Variants in NRXN1 observed in about 807,000 individuals in gnomAD.
NRXN1 encodes the protein neurexin-1.
NRXN1 carries 39 observed loss-of-function variants against 150.9 expected under a neutral mutation model. The ratio of observed to expected loss-of-function variants is 0.26; its 90% CI spans 0.20 to 0.34. The LOEUF is 0.34. Among genes scored for constraint, NRXN1 ranks in the 10% least tolerant of loss-of-function variants. The probability of loss-of-function intolerance (pLI) is 1.00; values close to 1 mark genes in which losing one functional copy is unlikely to be tolerated. For synonymous variants in NRXN1, 924 were observed against 757.0 expected, an observed-to-expected ratio of 1.22 and a Z score of -3.62; for missense variants, 1,815 against 1,949.9, an observed-to-expected ratio of 0.93 and a Z score of 1.30.
chr2:50,627,919 AAGAAAAAAAG>A (rs1681462238), intron 5 of NRXN1, among the ~76,000 whole-genome samples: 1 of 151,848 alleles, frequency 6.6e-6, no homozygotes, highest in South Asian at 2.1e-4. Flanking sequence ...TTGTGAAAGA[AAGAAAAAAAG>A]AGAAAAAAAA....
At chr2:50,308,378 G>A (rs1474513362) in intron 17 of NRXN1, among the ~76,000 whole-genome samples, 2 of 152,020 alleles carry the variant, frequency 1.3e-5, no homozygotes, top group Non-Finnish European at 2.9e-5. Context: ...TGCCCAGGCT[G>A]GAGTGCAGTG....
At chr2:51,017,548 G>C (rs997940843) in intron 2 of NRXN1, among the ~76,000 whole-genome samples, 3 of 91,394 alleles carry the variant, frequency 3.3e-5, no homozygotes, top group African/African-American at 8.4e-5. Flanking sequence ...TTAGAAATGA[G>C]GTCTCGCTTT....
At chr2:50,309,559 T>A (rs1248690637) in intron 17 of NRXN1, among the ~76,000 whole-genome samples, 1 of 152,208 alleles carries the variant, frequency 6.6e-6, no homozygotes, top group Non-Finnish European at 1.5e-5. Context: ...GTTCTTCACA[T>A]GTGTAAAATT....
At chr2:50,493,592 G>C (rs575610976) in intron 15 of NRXN1, among the ~76,000 whole-genome samples, 3 of 152,286 alleles carry the variant, frequency 2.0e-5, no homozygotes, top group Non-Finnish European at 4.4e-5. Context: ...ACCCAAAGTG[G>C]TGATGATGGG....
At chr2:50,910,364 T>C (rs1466125190) in intron 5 of NRXN1, among the ~76,000 whole-genome samples, 1 of 152,040 alleles carries the variant, frequency 6.6e-6, no homozygotes, top group Admixed American at 6.6e-5. Flanking sequence ...ATATACTTCA[T>C]CCCCATAGCT....
At chr2:50,529,433 G>A (rs1296786789) in intron 11 of NRXN1, among the ~76,000 whole-genome samples, 1 of 152,152 alleles carries the variant, frequency 6.6e-6, no homozygotes, top group Non-Finnish European at 1.5e-5. Flanking sequence ...TATAAAAGTA[G>A]CTACTATAAG....
chr2:50,712,114 C>T lies in NRXN1; in HGVS notation c.833-88499G>A, dbSNP rs1311048061. On this transcript the variant is annotated intron_variant, in intron 5 of 22. Coordinates refer to ENST00000401669, the MANE Select transcript of NRXN1 (RefSeq NM_001330078.2). ...CTTACATCTAGACACATGCTAAGTG[C>T]TATATATTATGTTAAATCATTTAAT... 5.3e-5 allele frequency among the ~76,000 whole-genome samples: 8 copies of T among 152,076 alleles called. No homozygotes were observed. In the South Asian group the frequency reaches 1.7e-3, roughly 32 times the overall value.
At chr2:50,349,266 A>T (rs1235732415) in intron 17 of NRXN1, among the ~76,000 whole-genome samples, 1 of 152,204 alleles carries the variant, frequency 6.6e-6, no homozygotes, top group Non-Finnish European at 1.5e-5. Flanking sequence ...AACCTTCCAC[A>T]GCTGCTCGAA....
At chr2:50,634,427 A>G (rs933553473) in intron 5 of NRXN1, among the ~76,000 whole-genome samples, 11 of 152,332 alleles carry the variant, frequency 7.2e-5, no homozygotes, top group African/African-American at 2.6e-4. Context: ...TAATACTAGG[A>G]TCTATTTTAT....
intron 5 of NRXN1, among the ~76,000 whole-genome samples, chr2:50,733,321 A>G (rs1698329630): frequency 1.3e-5 from 2 of 152,290 alleles, no homozygotes; most frequent in East Asian, 3.9e-4. Flanking sequence ...AAATTGGGAA[A>G]TATTTTTTTT....
rs191591269 is a variant in NRXN1, at chr2:50,315,210, T to A, written c.3365-78240A>T. On this transcript the variant is annotated intron_variant, in intron 17 of 22. Coordinates refer to ENST00000401669, the MANE Select transcript of NRXN1 (RefSeq NM_001330078.2). ...GTTTTAGTATTTAAGTGCTTAACAA[T>A]TGAGGTTCTGGCAACTAAAACTGCA... 7.7e-3 allele frequency among the ~76,000 whole-genome samples: 1,172 copies of A among 152,142 alleles called. 6 individuals carry two copies. Among genetic ancestry groups the A allele is most frequent in the Non-Finnish European group, 0.012 (805 of 67,964 alleles).
chr2:50,086,900 C>A (rs1563026), intron 19 of NRXN1, among the ~76,000 whole-genome samples: 8 of 151,566 alleles, frequency 5.3e-5, no homozygotes, highest in Non-Finnish European at 1.0e-4. Context: ...TGTTCATTAG[C>A]TTTTACAGTG....
chr2:50,384,505 C>CAAAAAAAAA (rs56052881), intron 17 of NRXN1, among the ~76,000 whole-genome samples: 4 of 55,970 alleles, frequency 7.1e-5, no homozygotes, highest in African/African-American at 2.6e-4. Flanking sequence ...GACTCCATCT[C>CAAAAAAAAA]AAAAAAAAAA....
chr2:50,328,048 G>A (rs1273735920), intron 17 of NRXN1, among the ~76,000 whole-genome samples: 2 of 152,080 alleles, frequency 1.3e-5, no homozygotes, highest in Non-Finnish European at 2.9e-5. Context: ...TTGTTGAAAT[G>A]AAGCAGTTAA....
intron 17 of NRXN1, among the ~76,000 whole-genome samples, chr2:50,451,598 A>G (rs1230020785): frequency 6.6e-6 from 1 of 152,178 alleles, no homozygotes; most frequent in Non-Finnish European, 1.5e-5. Flanking sequence ...ATAAATCTAC[A>G]TATATTAATC....
rs150059840 is a variant in NRXN1 at position 50,390,649 on chromosome 2, T to A, written c.3364+74793A>T. ...CTAAGAGGTGATTAGGCCATATGGA[T>A]CTTTCCTCATAAATGGATTAATGTC... On this transcript the variant is annotated intron_variant, in intron 17 of 22. Coordinates refer to ENST00000401669, the MANE Select transcript of NRXN1 (RefSeq NM_001330078.2). Among the ~76,000 whole-genome samples, 15 of 152,184 alleles carry A rather than the reference T, an allele frequency of 9.9e-5. No individual in the cohort carries two copies. In the East Asian group the frequency reaches 2.9e-3, roughly 29 times the overall value.
At chr2:50,472,829 G>GTGTGTGTGTA (rs746794432) in intron 15 of NRXN1, among the ~76,000 whole-genome samples, 16 of 79,810 alleles carry the variant, frequency 2.0e-4, no homozygotes, top group South Asian at 1.1e-3. Flanking sequence ...GTGTGTGTGT[G>GTGTGTGTGTA]TATATATATA....
rs115745202 is a variant in NRXN1, at chr2:50,094,522, G to A, written c.3547-3028C>T. 2.8e-3 allele frequency among the ~76,000 whole-genome samples: 426 copies of A among 152,258 alleles called. 3 individuals carry two copies. Among genetic ancestry groups the A allele is most frequent in the African/African-American group, 9.7e-3 (403 of 41,550 alleles). ...TTGGTGGGTGGCAGCGGTCAAGGTA[G>A]TGAGCAAACTAGTATTTGACTATAA... On this transcript the variant is annotated intron_variant, in intron 18 of 22. Coordinates refer to ENST00000401669, the MANE Select transcript of NRXN1 (RefSeq NM_001330078.2).
chr2:50,179,992 A>G (rs1269377667), intron 18 of NRXN1, among the ~76,000 whole-genome samples: 1 of 152,038 alleles, frequency 6.6e-6, no homozygotes, highest in East Asian at 1.9e-4. Flanking sequence ...GTTTAAAGCA[A>G]TTATTGCCAA....
Sources: gnomAD v4.1 joint callset for allele counts (sites outside exome capture counted in the v4.1 genomes callset) on GRCh38, gnomAD v4.1.1 for gene constraint, MANE v1.5 for transcripts, NCBI Gene and HGNC (gene_info 2026-07-23, HGNC 2026-07-21) for gene names.